The following FRMPD1 variants were observed in gnomAD, a reference collection of about 807,000 sequenced individuals.
FRMPD1 encodes FERM and PDZ domain containing 1.
A neutral mutation model predicts 117.8 loss-of-function variants in FRMPD1; 76 were observed. The ratio of observed to expected loss-of-function variants is 0.65; its 90% CI spans 0.54 to 0.78. The LOEUF is 0.78. FRMPD1 is among the 30% of genes least tolerant of loss of function. The pLI is 0.00. For synonymous variants in FRMPD1, 783 were observed against 770.4 expected (o/e 1.02, Z -0.27); for missense variants, 1,786 against 1,964.5 (o/e 0.91, Z 1.72).
At chr9:37,682,264 C>T (rs1013141616) in intron 1 of FRMPD1, among the ~76,000 whole-genome samples, 1 of 152,196 alleles carries the variant, frequency 6.6e-6, no homozygotes, top group Admixed American at 6.5e-5. Flanking sequence ...TATGGATTCC[C>T]ACTATGTGGG....
intron 15 of FRMPD1, among the ~76,000 whole-genome samples, chr9:37,741,155 G>A (rs1224396773): frequency 6.6e-6 from 1 of 152,078 alleles, no homozygotes; most frequent in Non-Finnish European, 1.5e-5. Context: ...GGGGCAAATG[G>A]GCTGGGCCCT....
chr9:37,655,116 C>T (rs1820801015), intron 1 of FRMPD1, among the ~76,000 whole-genome samples: 1 of 152,222 alleles, frequency 6.6e-6, no homozygotes, highest in African/African-American at 2.4e-5. Context: ...CTTCAGCCAT[C>T]ATCCCCTCCT....
intron 5 of FRMPD1, among the ~76,000 whole-genome samples, chr9:37,714,923 C>T (rs1322351962): frequency 6.6e-6 from 1 of 152,160 alleles, no homozygotes; most frequent in Non-Finnish European, 1.5e-5. Flanking sequence ...GCTGGGATTA[C>T]AGGTGTGAGT....
intron 1 of FRMPD1, among the ~76,000 whole-genome samples, chr9:37,685,989 A>G (rs10121551): frequency 0.38 from 57,067 of 152,092 alleles, 11,612 homozygotes; most frequent in South Asian, 0.49. Context: ...AATAGCTATC[A>G]CCTTGACATA....
intron 7 of FRMPD1, among the ~76,000 whole-genome samples, chr9:37,724,950 A>G (rs150866336): frequency 6.6e-6 from 1 of 152,226 alleles, no homozygotes; most frequent in East Asian, 1.9e-4. Context: ...CAGACAAGGC[A>G]TGGGAAAGAA....
At chr9:37,744,146 C>T (rs191440671) in intron 15 of FRMPD1, among the ~76,000 whole-genome samples, 146 of 152,102 alleles carry the variant, frequency 9.6e-4, no homozygotes, top group African/African-American at 3.2e-3. Flanking sequence ...GCCGAGATCA[C>T]GCCACTGCAC....
intron 5 of FRMPD1, among the ~76,000 whole-genome samples, chr9:37,717,521 A>T: frequency 6.6e-6 from 1 of 151,648 alleles, no homozygotes; most frequent in East Asian, 1.9e-4. Context: ...CTAGGACTAA[A>T]GGCATGCACC....
chr9:37,731,181 C>A, intron 9 of FRMPD1, 78 bp downstream of exon 9: 1 of 1,316,862 alleles, frequency 7.6e-7, no homozygotes, highest in Non-Finnish European at 1.1e-6. Flanking sequence ...AACGTGAGCT[C>A]GAGGCCATTA....
chr9:37,677,168 G>T (rs1821558976), intron 1 of FRMPD1, among the ~76,000 whole-genome samples: 1 of 152,224 alleles, frequency 6.6e-6, no homozygotes, highest in Non-Finnish European at 1.5e-5. Flanking sequence ...AGGACTTTCA[G>T]GGAAGGAACC....
chr9:37,679,001 G>A (rs572417925), intron 1 of FRMPD1, among the ~76,000 whole-genome samples: 3 of 152,308 alleles, frequency 2.0e-5, no homozygotes, highest in East Asian at 3.9e-4. Context: ...CTCTAATCTC[G>A]GTGCTCCCCT....
chr9:37,640,238 G>A, the FRMPD1 span, among the ~76,000 whole-genome samples: 1 of 152,234 alleles, frequency 6.6e-6, no homozygotes, highest in African/African-American at 2.4e-5. Flanking sequence ...TTATGGTTCA[G>A]TGTAGGTAAC....
Position 37,745,881 on chromosome 9 carries a change from C to G in FRMPD1, c.3849C>G (p.Asp1283Glu). Residue 1283 changes from aspartate (D) to glutamate (E), a missense_variant, in exon 16 of 16, where the codon GAC becomes GAG. By Grantham distance (45) the Asp-to-Glu change is conservative. Transcript: ENST00000377765. Reference sequence around the variant, plus strand: ...GCTTACTCTCAGAAGGCAAAAGTGACAGCTCTAGCATCTGCCTTTCTGCTG... The same window carrying G: ...GCTTACTCTCAGAAGGCAAAAGTGAGAGCTCTAGCATCTGCCTTTCTGCTG... The part of the protein sequence containing the change: ...NHCLLSEGKS[D>E]SSSICLSAEK... 6.2e-7 allele frequency: 1 copy of G among 1,614,240 alleles called. No homozygotes were observed. The highest frequency in any genetic ancestry group is 8.5e-7 in the Non-Finnish European group (1 of 1,180,044).
At position 37,692,780 on chromosome 9, in the gene FRMPD1, G is replaced by A. The variant is rs199598758; in HGVS notation, c.101+38G>A. 1,499 of 1,424,768 alleles carry A rather than the reference G, an allele frequency of 1.1e-3. 12 individuals are homozygous for A. The African/African-American group carries it at 0.019, about 18-fold the overall frequency. The allele number at this position is 1,424,768 out of a possible 1,614,324, so 88.3% of individuals were successfully genotyped here. A position where few individuals can be genotyped will look rare whatever the true frequency, so the allele number is the denominator to read the frequency against. ...AGTTTGCAGATTTCTGTCTATAAAG[G>A]TCTGGTGTCCCGGGGGAGGAGCTTG... On this transcript the variant is annotated intron_variant, in intron 2 of 15. Coordinates refer to ENST00000377765, the MANE Select transcript of FRMPD1 (RefSeq NM_014907.3).
chr9:37,657,817 A>T (rs1490539767), intron 1 of FRMPD1, among the ~76,000 whole-genome samples: 1 of 152,024 alleles, frequency 6.6e-6, no homozygotes, highest in African/African-American at 2.4e-5. Flanking sequence ...AGCTCCGGAG[A>T]TGATCAAGTA....
intron 1 of FRMPD1, among the ~76,000 whole-genome samples, chr9:37,656,065 C>T (rs890587388): frequency 2.6e-5 from 4 of 152,204 alleles, no homozygotes; most frequent in Non-Finnish European, 4.4e-5. Context: ...TATGTGGCCA[C>T]AGCTCATAGA....
intron 2 of FRMPD1, among the ~76,000 whole-genome samples, chr9:37,698,959 G>A (rs995993565): frequency 4.0e-5 from 6 of 151,650 alleles, no homozygotes; most frequent in African/African-American, 7.3e-5. Flanking sequence ...GGCTGGTCTC[G>A]AACTCCCGAC....
At chr9:37,638,034 C>CT in the FRMPD1 span, among the ~76,000 whole-genome samples, 2,385 of 63,868 alleles carry the variant, frequency 0.037, 387 homozygotes, top group East Asian at 0.25. Flanking sequence ...CTCTCTCTTT[C>CT]TTCCTTTCTT....
chr9:37,635,925 C>T, the FRMPD1 span, among the ~76,000 whole-genome samples: 1 of 152,160 alleles, frequency 6.6e-6, no homozygotes, highest in South Asian at 2.1e-4. Flanking sequence ...GGCTGGTGCC[C>T]AGCCTCTGGC....
chr9:37,611,458 A>G, the FRMPD1 span, among the ~76,000 whole-genome samples: 129 of 152,368 alleles, frequency 8.5e-4, no homozygotes, highest in African/African-American at 3.0e-3. Context: ...GATTTCTTCA[A>G]ATTATAAAAT....
Sources: gnomAD v4.1 joint callset for allele counts (sites outside exome capture counted in the v4.1 genomes callset) on GRCh38, gnomAD v4.1.1 for gene constraint, MANE v1.5 for transcripts, NCBI Gene and HGNC (gene_info 2026-07-23, HGNC 2026-07-21) for gene names.